Variants in LRRC7 observed in about 807,000 individuals in gnomAD.
The protein encoded by LRRC7 is leucine-rich repeat-containing protein 7.
In LRRC7, 23 loss-of-function variants were observed where a neutral mutation model predicts 175.7. The observed-to-expected ratio is 0.13, with a 90% CI of 0.09 to 0.19. The LOEUF (loss-of-function observed/expected upper bound fraction) is 0.19, where lower values mean the gene tolerates loss of function less well. LRRC7 is among the 10% of genes least tolerant of loss of function. The pLI, the probability that LRRC7 is intolerant of heterozygous loss-of-function variation, is 1.00. For missense variants in LRRC7, 1,354 were observed against 1,904.7 expected (o/e 0.71, Z 5.38); for synonymous variants, 685 against 680.9 (o/e 1.01, Z -0.09).
chr1:69,680,659 A>T (rs192375826), intron 2 of LRRC7, among the ~76,000 whole-genome samples: 1 of 139,090 alleles, frequency 7.2e-6, no homozygotes, highest in Non-Finnish European at 1.6e-5. Flanking sequence ...TGTGAATTCC[A>T]TGAGAAAAAA....
chr1:69,938,656 C>T (rs1048516022), intron 8 of LRRC7, among the ~76,000 whole-genome samples: 50 of 151,886 alleles, frequency 3.3e-4, no homozygotes, highest in African/African-American at 1.1e-3. Context: ...TTAAATTAAA[C>T]TCATTTTACT....
Position 69,900,986 on chromosome 1 carries a change from A to G in LRRC7, c.648-30521A>G, listed in dbSNP as rs573062672. ...CAGTGGTTTTGCAGGCAATAAAACC[A>G]GAAAGGTAAGCTGGTGTCAAATTAT... is the stretch of plus-strand genomic sequence containing the variant. On this transcript the variant is annotated intron_variant, in intron 7 of 26. Coordinates refer to ENST00000651989, the MANE Select transcript of LRRC7 (RefSeq NM_001370785.2). Among the ~76,000 whole-genome samples the G allele has an allele frequency of 3.3e-4, 50 of 152,360 alleles. No individual in the cohort carries two copies. In the South Asian group the frequency reaches 7.7e-3, roughly 23 times the overall value.
chr1:69,885,807 G>A (rs1279442222), intron 7 of LRRC7, among the ~76,000 whole-genome samples: 2 of 142,386 alleles, frequency 1.4e-5, no homozygotes, highest in Non-Finnish European at 3.0e-5. Context: ...AGAGATTCTG[G>A]TATGTTGTGT....
At chr1:69,639,548 A>G (rs1653888200) in intron 1 of LRRC7, among the ~76,000 whole-genome samples, 1 of 151,820 alleles carries the variant, frequency 6.6e-6, no homozygotes, top group Admixed American at 6.6e-5. Flanking sequence ...TTCTGTGAAG[A>G]CAGGAGCCTT....
intron 4 of LRRC7, among the ~76,000 whole-genome samples, chr1:69,816,585 T>C (rs774396756): frequency 7.2e-5 from 11 of 152,222 alleles, no homozygotes; most frequent in Non-Finnish European, 1.6e-4. Flanking sequence ...TTTTTGACAG[T>C]GTCCTTGTTT....
intron 4 of LRRC7, among the ~76,000 whole-genome samples, chr1:69,816,694 A>G (rs968546723): frequency 6.6e-6 from 1 of 152,150 alleles, no homozygotes; most frequent in Non-Finnish European, 1.5e-5. Context: ...TTTCAAGTAT[A>G]CAACACAGTA....
chr1:70,090,596 T>C (rs1255529322), intron 25 of LRRC7, among the ~76,000 whole-genome samples: 1 of 152,134 alleles, frequency 6.6e-6, no homozygotes, highest in Admixed American at 6.6e-5. Flanking sequence ...AATCAATTAA[T>C]AATTATTCAA....
At chr1:69,845,051 A>T (rs1200227918) in intron 7 of LRRC7, among the ~76,000 whole-genome samples, 1 of 152,066 alleles carries the variant, frequency 6.6e-6, no homozygotes, top group Non-Finnish European at 1.5e-5. Flanking sequence ...GGAGTTTGAG[A>T]CCAGCCCAGG....
rs1667040239 is a variant in LRRC7, at chr1:70,140,982, A to G, written c.*19095A>G. On this transcript the variant is annotated 3_prime_UTR_variant, in exon 27 of 27. Coordinates refer to ENST00000651989, the MANE Select transcript of LRRC7 (RefSeq NM_001370785.2). ...TCGCAACTGAGGTGTAGCCCAGGGA[A>G]TAAGTATGTCCTGAATTGAGCCTTA... 1.3e-5 allele frequency among the ~76,000 whole-genome samples: 2 copies of G among 152,110 alleles called. No homozygotes were observed. Among genetic ancestry groups the G allele is most frequent in the Admixed American group, 6.6e-5 (1 of 15,262 alleles).
In LRRC7 at chr1:69,807,545, C is replaced by T. The variant is rs149747670; in HGVS notation, c.421+15385C>T. On this transcript the variant is annotated intron_variant, in intron 4 of 26. Transcript: ENST00000651989. ...TTGTCTGTAAAGGGTTTTATTTCTC[C>T]TTCGCTTGTGAAGCTAGTTTGGCTG... is the stretch of plus-strand genomic sequence containing the variant. Among the ~76,000 whole-genome samples, 96 of 152,128 alleles carry T rather than the reference C, an allele frequency of 6.3e-4. 1 individual carries two copies. Among genetic ancestry groups the T allele is most frequent in the African/African-American group, 2.3e-3 (94 of 41,526 alleles).
chr1:69,970,308 C>CA (rs1207670595), intron 8 of LRRC7, among the ~76,000 whole-genome samples: 2 of 151,192 alleles, frequency 1.3e-5, no homozygotes, highest in East Asian at 3.9e-4. Context: ...AAATTGAAAC[C>CA]AAAAAAATAC....
In LRRC7 at chr1:69,678,398, G is replaced by C. The variant is rs1660060922; in HGVS notation, c.20G>C (p.Arg7Thr). The change falls in exon 2 of 27, where the codon AGG becomes ACG. Residue 7 changes from arginine to threonine, a missense_variant. By Grantham distance (71) the Arg-to-Thr change is moderately conservative. Coordinates refer to ENST00000651989, the MANE Select transcript of LRRC7 (RefSeq NM_001370785.2). ...TCTTATAGGATGGAGAACCTAATAAGGGGAAGGAATCCCCCGCAATACCAG... is the reference window on the plus strand; with the variant it reads ...TCTTATAGGATGGAGAACCTAATAACGGGAAGGAATCCCCCGCAATACCAG... Reference protein sequence around the residue: MMENLIRGRNPPQYQRS... With the variant: MMENLITGRNPPQYQRS... 1 of 1,598,542 alleles carries C rather than the reference G, an allele frequency of 6.3e-7. No individual in the cohort carries two copies. Among genetic ancestry groups the C allele is most frequent in the African/African-American group, 1.3e-5 (1 of 74,568 alleles).
intron 11 of LRRC7, among the ~76,000 whole-genome samples, chr1:69,995,985 T>C (rs1408758007): frequency 4.7e-5 from 7 of 149,596 alleles, no homozygotes; most frequent in Non-Finnish European, 1.0e-4. Context: ...CCACACTGAC[T>C]TCCACAATGG....
intron 11 of LRRC7, among the ~76,000 whole-genome samples, chr1:69,996,349 A>G (rs905058574): frequency 6.0e-4 from 91 of 152,134 alleles, no homozygotes; most frequent in Middle Eastern, 3.4e-3. Context: ...CCCATTTTGT[A>G]GGTTGCCTGT....
chr1:69,931,404 T>C (rs7530457), intron 7 of LRRC7, 103 bp from the exon 8 acceptor site: 452,052 of 828,832 alleles, frequency 0.55, 124,384 homozygotes, highest in East Asian at 0.69. Context: ...CAGTTTTGTG[T>C]ACTACGCAAT....
intron 11 of LRRC7, among the ~76,000 whole-genome samples, chr1:69,998,112 G>A (rs978888678): frequency 6.6e-6 from 1 of 152,044 alleles, no homozygotes; most frequent in Non-Finnish European, 1.5e-5. Flanking sequence ...TCTCAAGAGG[G>A]GAAAGCCTTA....
chr1:70,136,721 CT>C lies in LRRC7; in HGVS notation c.*14858del, dbSNP rs1204650835. On this transcript the variant is annotated 3_prime_UTR_variant, in exon 27 of 27. Coordinates refer to ENST00000651989, the MANE Select transcript of LRRC7 (RefSeq NM_001370785.2). The stretch of plus-strand genomic sequence containing the variant: ...TTCTGCTTTATTGCTTTTTTAATGC[CT>C]TTTTTTTTTTTTTTTTTTTTTTTCT... 0.029 allele frequency among the ~76,000 whole-genome samples: 2,842 copies of C among 98,258 alleles called. 17 individuals carry two copies. Among genetic ancestry groups the C allele is most frequent in the African/African-American group, 0.067 (1,557 of 23,336 alleles). 64.5% of individuals were successfully genotyped at this position (98,258 alleles called of 152,430 possible). A position where few individuals can be genotyped will look rare whatever the true frequency, so the allele number is the denominator to read the frequency against.
At chr1:70,074,024 A>T (rs1373556856) in intron 23 of LRRC7, among the ~76,000 whole-genome samples, 1 of 152,076 alleles carries the variant, frequency 6.6e-6, no homozygotes, top group Non-Finnish European at 1.5e-5. Context: ...AACATGGTGA[A>T]ACCCTGTCTC....
At chr1:69,737,965 A>G (rs1668298986) in intron 2 of LRRC7, among the ~76,000 whole-genome samples, 1 of 152,048 alleles carries the variant, frequency 6.6e-6, no homozygotes, top group South Asian at 2.1e-4. Context: ...CATTTATTTC[A>G]CAGCCTCATC....
Sources: allele counts gnomAD v4.1 joint callset (sites outside exome capture counted in the v4.1 genomes callset), GRCh38; gene constraint gnomAD v4.1.1; transcripts MANE v1.5; gene names NCBI Gene and HGNC (gene_info 2026-07-23, HGNC 2026-07-21).